Variants in DNAJB4 observed in about 807,000 individuals in gnomAD.
DNAJB4 encodes DnaJ heat shock protein family (Hsp40) member B4.
Under a neutral mutation model 26.6 loss-of-function variants are expected in DNAJB4, and 10 were observed. The ratio of observed to expected loss-of-function variants is 0.38; its 90% CI spans 0.23 to 0.64. DNAJB4 has a LOEUF of 0.64. Ranked by LOEUF, DNAJB4 falls within the 30% of genes least tolerant of loss-of-function variation. The pLI is 0.58. For synonymous variants in DNAJB4, 136 were observed against 134.8 expected, an observed-to-expected ratio of 1.01 and a Z score of -0.06; for missense variants, 328 against 408.2, an observed-to-expected ratio of 0.80 and a Z score of 1.69.
intron 1 of DNAJB4, among the ~76,000 whole-genome samples, chr1:78,009,162 GA>G (rs1181413298): frequency 6.6e-6 from 1 of 151,846 alleles, no homozygotes; most frequent in Non-Finnish European, 1.5e-5. Flanking sequence ...TGATTTTTGT[GA>G]ATTAAAACTG....
rs141815212 is a variant in DNAJB4 at position 77,986,317 on chromosome 1, C to T, written c.-32+5995C>T. Among the ~76,000 whole-genome samples, 208 of 152,246 alleles carry T rather than the reference C, an allele frequency of 1.4e-3. 5 individuals carry two copies. In the East Asian group the frequency reaches 0.028, roughly 20 times the overall value. The stretch of plus-strand genomic sequence containing the variant: ...TCCTTAACTACTCGAAATGCAATTT[C>T]CTCACTACTTATGGCCACAGCCTGC... On this transcript the variant is annotated intron_variant, in intron 1 of 2. Coordinates refer to the DNAJB4 transcript ENST00000426517.
At chr1:78,005,405 C>G (rs1660307239) in intron 1 of DNAJB4, 84 bp downstream of exon 1, 1 of 1,165,874 alleles carries the variant, frequency 8.6e-7, no homozygotes, top group Non-Finnish European at 1.2e-6. Context: ...TTTTTCCCCT[C>G]TCTCTCAGCT....
chr1:78,015,967 T>G (rs750433369), intron 2 of DNAJB4, 47 bp from the exon 3 acceptor site: 2 of 1,516,776 alleles, frequency 1.3e-6, no homozygotes, highest in South Asian at 2.4e-5. Flanking sequence ...TGCTTAGATT[T>G]TTGAGTTTTG....
intron 1 of DNAJB4, among the ~76,000 whole-genome samples, chr1:77,993,135 T>G (rs1004707934): frequency 2.6e-5 from 4 of 152,166 alleles, no homozygotes; most frequent in Admixed American, 1.3e-4. Context: ...CAGCGAAGAA[T>G]AATTTGTATA....
intron 1 of DNAJB4, among the ~76,000 whole-genome samples, chr1:77,981,938 A>C (rs1018660865): frequency 6.6e-6 from 1 of 152,220 alleles, no homozygotes; most frequent in Non-Finnish European, 1.5e-5. Flanking sequence ...TATAGGAAAT[A>C]GATTATTAAT....
At chr1:78,012,421 C>G (rs1232069841) in intron 1 of DNAJB4, among the ~76,000 whole-genome samples, 1 of 151,744 alleles carries the variant, frequency 6.6e-6, no homozygotes, top group Non-Finnish European at 1.5e-5. Context: ...CTCGGCCTCC[C>G]AAAGTGTTGG....
intron 1 of DNAJB4, 99 bp downstream of exon 1, chr1:78,005,420 A>G: frequency 9.9e-7 from 1 of 1,013,796 alleles, no homozygotes; most frequent in South Asian, 1.8e-5. Context: ...TCAGCTTGTT[A>G]AGGTTATCCT....
intron 1 of DNAJB4, among the ~76,000 whole-genome samples, chr1:77,982,317 G>A (rs1003608505): frequency 6.6e-6 from 1 of 151,598 alleles, no homozygotes; most frequent in South Asian, 2.1e-4. Context: ...CCCTTTTTTT[G>A]TGGTCAAAAC....
intron 1 of DNAJB4, among the ~76,000 whole-genome samples, chr1:77,984,162 G>T (rs1306909468): frequency 1.3e-5 from 2 of 152,126 alleles, no homozygotes; most frequent in Non-Finnish European, 2.9e-5. Flanking sequence ...GTCCAAATCA[G>T]GCTGTTGCTC....
chr1:78,014,788 A>G (rs2102616247), intron 2 of DNAJB4, among the ~76,000 whole-genome samples: 1 of 152,094 alleles, frequency 6.6e-6, no homozygotes, highest in South Asian at 2.1e-4. Flanking sequence ...TTTAGTAGCG[A>G]TAGGTTTTCA....
chr1:77,992,531 G>T (rs1659957608), intron 1 of DNAJB4, among the ~76,000 whole-genome samples: 1 of 152,054 alleles, frequency 6.6e-6, no homozygotes, highest in South Asian at 2.1e-4. Flanking sequence ...AATTAGATGG[G>T]AATGGTCAAG....
intron 1 of DNAJB4, among the ~76,000 whole-genome samples, chr1:77,990,571 A>G (rs1659908713): frequency 6.6e-6 from 1 of 152,240 alleles, no homozygotes; most frequent in African/African-American, 2.4e-5. Context: ...AAACTTACCA[A>G]CTATTGAAGT....
Position 78,017,447 on chromosome 1 carries a change from T to C in DNAJB4, c.*1200T>C, listed in dbSNP as rs1219281583. On this transcript the variant is annotated 3_prime_UTR_variant, in exon 3 of 3. Transcript: ENST00000370763. ...TCGCCTTTTAGTAGAATATGAAATA[T>C]TCTTTTAGAAATCCAATATAAATAG... The C allele has an allele frequency of 6.6e-6, 1 of 152,018 alleles. No homozygotes were observed. The highest frequency in any genetic ancestry group is 1.5e-5 in the Non-Finnish European group (1 of 67,906). 9.4% of individuals were successfully genotyped at this position (152,018 alleles called of 1,614,324 possible).
chr1:77,986,596 A>G (rs529079241), intron 1 of DNAJB4, among the ~76,000 whole-genome samples: 1 of 152,274 alleles, frequency 6.6e-6, no homozygotes, highest in South Asian at 2.1e-4. Context: ...AATCAGTTCA[A>G]ATTGACTTTG....
At chr1:78,003,618 CTG>C, upstream of DNAJB4, among the ~76,000 whole-genome samples, 1 of 152,186 alleles carries the variant, frequency 6.6e-6, no homozygotes, top group Non-Finnish European at 1.5e-5. Context: ...TTTATTTGGA[CTG>C]TGTGCAATTC....
chr1:78,013,698 A>G, intron 2 of DNAJB4, 79 bp downstream of exon 2: 1 of 1,141,724 alleles, frequency 8.8e-7, no homozygotes, highest in Non-Finnish European at 1.2e-6. Context: ...ATAATAGCTA[A>G]CATTTATTTA....
intron 2 of DNAJB4, among the ~76,000 whole-genome samples, chr1:78,014,134 T>G (rs965617938): frequency 4.6e-5 from 7 of 152,032 alleles, no homozygotes; most frequent in African/African-American, 1.7e-4. Context: ...TTTCTTTTTT[T>G]TTTTTGAGAC....
At chr1:77,979,318 A>C, upstream of DNAJB4, 1 of 342,316 alleles carries the variant, frequency 2.9e-6, no homozygotes, top group Non-Finnish European at 5.5e-6. Context: ...TTGTTCCTGC[A>C]GGGTGGTGGG....
At position 78,017,591 on chromosome 1, in the gene DNAJB4, C is replaced by T. The variant is rs896130980; in HGVS notation, c.*1344C>T. ...GATATTTACAAAGTGGTACAATCATCATCACTTTCTAATTCCAGAATATTT... is the reference window on the plus strand; with the variant it reads ...GATATTTACAAAGTGGTACAATCATTATCACTTTCTAATTCCAGAATATTT... On this transcript the variant is annotated 3_prime_UTR_variant, in exon 3 of 3. Transcript: ENST00000370763. The T allele has an allele frequency of 6.6e-6, 1 of 151,984 alleles. No individual in the cohort carries two copies. Among genetic ancestry groups the T allele is most frequent in the African/African-American group, 2.4e-5 (1 of 41,416 alleles). 9.4% of individuals were successfully genotyped at this position (151,984 alleles called of 1,614,324 possible). A position where few individuals can be genotyped will look rare whatever the true frequency, so the allele number is the denominator to read the frequency against.
Sources: allele counts gnomAD v4.1 joint callset (sites outside exome capture counted in the v4.1 genomes callset), GRCh38; gene constraint gnomAD v4.1.1; transcripts MANE v1.5; gene names NCBI Gene and HGNC (gene_info 2026-07-23, HGNC 2026-07-21).